CABCOCO1: variants seen among roughly 807,000 people sequenced by gnomAD.
CABCOCO1 encodes ciliary associated calcium binding coiled-coil 1.
In CABCOCO1, 28 loss-of-function variants were observed where a neutral mutation model predicts 35.7. That is an observed-to-expected ratio of 0.78 (90% confidence interval 0.58 to 1.07). CABCOCO1 has a LOEUF of 1.07. CABCOCO1 is among the 50% of genes least tolerant of loss of function. The pLI, the probability that CABCOCO1 is intolerant of heterozygous loss-of-function variation, is 0.00. For missense variants in CABCOCO1, 326 were observed against 309.2 expected, an observed-to-expected ratio of 1.05 and a Z score of -0.41; for synonymous variants, 95 against 100.1, an observed-to-expected ratio of 0.95 and a Z score of 0.30.
intron 5 of CABCOCO1, among the ~76,000 whole-genome samples, chr10:61,713,572 C>T (rs1391134661): frequency 6.6e-6 from 1 of 152,210 alleles, no homozygotes; most frequent in Admixed American, 6.5e-5. Flanking sequence ...TGAGAGAGGG[C>T]ATCCTTGTCT....
At chr10:61,755,923 T>G (rs72831343) in intron 5 of CABCOCO1, among the ~76,000 whole-genome samples, 13,874 of 152,044 alleles carry the variant, frequency 0.091, 802 homozygotes, top group Middle Eastern at 0.15. Context: ...TATAAGCATG[T>G]TTTTAGATCC....
At chr10:61,704,680 A>G (rs774757484) in intron 5 of CABCOCO1, among the ~76,000 whole-genome samples, 5 of 152,182 alleles carry the variant, frequency 3.3e-5, no homozygotes, top group African/African-American at 4.8e-5. Context: ...TTGCTGTTTT[A>G]AGCGCCCAGG....
At chr10:61,681,590 A>G (rs1015533267) in intron 3 of CABCOCO1, among the ~76,000 whole-genome samples, 3 of 152,112 alleles carry the variant, frequency 2.0e-5, no homozygotes, top group Admixed American at 1.3e-4. Flanking sequence ...ATATCTGAGG[A>G]CTCTGTGGTA....
At chr10:61,679,311 CTA>C (rs1326477338) in intron 2 of CABCOCO1, among the ~76,000 whole-genome samples, 67 of 128,390 alleles carry the variant, frequency 5.2e-4, no homozygotes, top group African/African-American at 1.8e-3. Context: ...ATATCTATAT[CTA>C]TATCTATATC....
chr10:61,672,939 A>G (rs965126611), intron 2 of CABCOCO1, among the ~76,000 whole-genome samples: 5 of 152,230 alleles, frequency 3.3e-5, no homozygotes, highest in African/African-American at 1.2e-4. Context: ...AAGAAAATAC[A>G]TTGCAAACCA....
At chr10:61,745,443 C>G (rs1416210008) in intron 5 of CABCOCO1, among the ~76,000 whole-genome samples, 1 of 152,120 alleles carries the variant, frequency 6.6e-6, no homozygotes, top group Non-Finnish European at 1.5e-5. Flanking sequence ...CTGGCCTATC[C>G]CTAACAGGTA....
At chr10:61,694,043 C>T (rs1220496471) in intron 5 of CABCOCO1, among the ~76,000 whole-genome samples, 1 of 151,828 alleles carries the variant, frequency 6.6e-6, no homozygotes, top group African/African-American at 2.4e-5. Context: ...TTGATGATTA[C>T]TGTTACTAAT....
At chr10:61,764,674 A>G (rs995279288) in intron 7 of CABCOCO1, among the ~76,000 whole-genome samples, 1 of 152,026 alleles carries the variant, frequency 6.6e-6, no homozygotes, top group Non-Finnish European at 1.5e-5. Context: ...TGTGACCTGG[A>G]GGACCGCTCC....
intron 3 of CABCOCO1, among the ~76,000 whole-genome samples, chr10:61,684,204 A>G (rs1839886318): frequency 6.6e-6 from 1 of 152,330 alleles, no homozygotes; most frequent in East Asian, 1.9e-4. Context: ...TCTGACATAC[A>G]TAAAAGATGA....
Position 61,677,313 on chromosome 10 carries a change from T to A in CABCOCO1, c.165-3830T>A, listed in dbSNP as rs1369436221. Among the ~76,000 whole-genome samples the A allele has an allele frequency of 3.9e-5, 6 of 152,174 alleles. No individual in the cohort carries two copies. In the East Asian group the frequency reaches 1.2e-3, roughly 29 times the overall value. Reference sequence around the variant, plus strand: ...AAAGATAATTGGAGTTTTGGAAAGATCTTAATTGATCATTTCTCTTTACTT... The same window carrying A: ...AAAGATAATTGGAGTTTTGGAAAGAACTTAATTGATCATTTCTCTTTACTT... On this transcript the variant is annotated intron_variant, in intron 2 of 7. Coordinates refer to ENST00000648843, the MANE Select transcript of CABCOCO1 (RefSeq NM_001366906.2).
rs1841998402 is a variant in CABCOCO1, at chr10:61,761,011, G to A, written c.816+8G>A. The A allele has an allele frequency of 6.2e-7, 1 of 1,610,756 alleles. No individual in the cohort carries two copies. The highest frequency in any genetic ancestry group is 1.3e-5 in the African/African-American group (1 of 74,818). Reference sequence around the variant, plus strand: ...ATTTTAATCGGCATTCAGGTACTCAGTATTGATAGTATGCTCACTTACTTT... The same window carrying A: ...ATTTTAATCGGCATTCAGGTACTCAATATTGATAGTATGCTCACTTACTTT... On this transcript the variant is annotated splice_region_variant and intron_variant, in intron 7 of 7. Coordinates refer to ENST00000648843, the MANE Select transcript of CABCOCO1 (RefSeq NM_001366906.2).
At chr10:61,736,720 A>G (rs1396426345) in intron 5 of CABCOCO1, among the ~76,000 whole-genome samples, 1 of 152,134 alleles carries the variant, frequency 6.6e-6, no homozygotes, top group Non-Finnish European at 1.5e-5. Flanking sequence ...AAATCTGTAC[A>G]TTACTTTGGG....
chr10:61,756,918 A>G (rs1208334287), intron 5 of CABCOCO1, among the ~76,000 whole-genome samples: 1 of 152,060 alleles, frequency 6.6e-6, no homozygotes, highest in East Asian at 1.9e-4. Context: ...GACAATTACA[A>G]TTCTACAGGA....
intron 7 of CABCOCO1, among the ~76,000 whole-genome samples, chr10:61,762,692 A>T (rs1842031968): frequency 2.0e-5 from 3 of 152,084 alleles, no homozygotes; most frequent in African/African-American, 7.2e-5. Flanking sequence ...GGACACAGAA[A>T]GACTTAAGTT....
intron 7 of CABCOCO1, among the ~76,000 whole-genome samples, chr10:61,765,089 T>A (rs374380773): frequency 1.2e-4 from 19 of 152,178 alleles, no homozygotes; most frequent in African/African-American, 4.3e-4. Flanking sequence ...AAACTTTGAA[T>A]TTATTAACAC....
In CABCOCO1 at chr10:61,663,002, G is replaced by GACCCCGGCAGGGCCC; in HGVS notation, c.38_39insAGGGCCCACCCCGGC (p.Pro10_Gly14dup). 5.6e-6 allele frequency: 2 copies of GACCCCGGCAGGGCCC among 355,568 alleles called. No homozygotes were observed. The highest frequency in any genetic ancestry group is 2.0e-5 in the South Asian group (1 of 50,456). 22.0% of individuals were successfully genotyped at this position (355,568 alleles called of 1,614,324 possible). On this transcript the variant is annotated inframe_insertion, in exon 1 of 8. Coordinates refer to ENST00000648843, the MANE Select transcript of CABCOCO1 (RefSeq NM_001366906.2). Reference sequence around the variant, plus strand: ...CGCAGGGGACGACTCCCTGGGGGCCGACCCCGGCGGGAACCACGCCCGAAT... The same window carrying GACCCCGGCAGGGCCC: ...CGCAGGGGACGACTCCCTGGGGGCCGACCCCGGCAGGGCCCACCCCGGCGGGAACCACGCCCGAAT...
chr10:61,673,625 C>T (rs1292040504), intron 2 of CABCOCO1, among the ~76,000 whole-genome samples: 1 of 152,142 alleles, frequency 6.6e-6, no homozygotes, highest in Non-Finnish European at 1.5e-5. Context: ...TGACAGATGT[C>T]CTGGCTGGAA....
rs1589144892 is a variant in CABCOCO1, at chr10:61,730,481, A to G, written c.553-29578A>G. Among the ~76,000 whole-genome samples, 3 of 152,280 alleles carry G rather than the reference A, an allele frequency of 2.0e-5. No individual in the cohort carries two copies. In the South Asian group the frequency reaches 6.2e-4, roughly 32 times the overall value. On this transcript the variant is annotated intron_variant, in intron 5 of 7. Transcript: ENST00000648843. ...AAAATACATCAGTAGAATGACAACT[A>G]ATAAATCCACAAGAAACAATAGAGT...
At chr10:61,712,406 C>T (rs186627058) in intron 5 of CABCOCO1, among the ~76,000 whole-genome samples, 8 of 152,088 alleles carry the variant, frequency 5.3e-5, no homozygotes, top group Admixed American at 3.3e-4. Flanking sequence ...GGATATTAGC[C>T]CTTTGGCAGA....
Sources: allele counts gnomAD v4.1 joint callset (sites outside exome capture counted in the v4.1 genomes callset), GRCh38; gene constraint gnomAD v4.1.1; transcripts MANE v1.5; gene names NCBI Gene and HGNC (gene_info 2026-07-23, HGNC 2026-07-21).